Variants in BLVRA observed in about 807,000 individuals in gnomAD.
BLVRA encodes the protein BVR A.
In BLVRA, 22 loss-of-function variants were observed where a neutral mutation model predicts 32.8. The ratio of observed to expected loss-of-function variants is 0.67; its 90% confidence interval spans 0.48 to 0.96. The LOEUF (loss-of-function observed/expected upper bound fraction) is 0.96, where lower values mean the gene tolerates loss of function less well. Ranked by LOEUF, BLVRA falls within the 40% of genes least tolerant of loss-of-function variation. The probability of loss-of-function intolerance (pLI) is 0.00; values close to 1 mark genes in which losing one functional copy is unlikely to be tolerated. For missense variants in BLVRA, 323 were observed against 358.1 expected, an observed-to-expected ratio of 0.90 and a Z score of 0.79; for synonymous variants, 119 against 141.3, an observed-to-expected ratio of 0.84 and a Z score of 1.12.
intron 1 of BLVRA, among the ~76,000 whole-genome samples, chr7:43,769,217 A>T (rs1334141409): frequency 6.6e-6 from 1 of 152,034 alleles, no homozygotes; most frequent in Non-Finnish European, 1.5e-5. Context: ...TTAAGTAAAG[A>T]CAGGGTCTTG....
intron 5 of BLVRA, 157 bp from the exon 6 acceptor site, chr7:43,800,308 G>C: frequency 2.9e-6 from 2 of 691,062 alleles, no homozygotes; most frequent in Admixed American, 4.1e-5. Context: ...TCTTCAGCTG[G>C]GGTGGGTGAC....
At chr7:43,794,640 CA>C (rs2095789779) in intron 5 of BLVRA, among the ~76,000 whole-genome samples, 1 of 152,028 alleles carries the variant, frequency 6.6e-6, no homozygotes. Context: ...GAGGCTGAGG[CA>C]GCAGAATTGC....
chr7:43,803,915 C>T, intron 7 of BLVRA, 68 bp downstream of exon 7: 1 of 1,583,186 alleles, frequency 6.3e-7, no homozygotes, highest in Non-Finnish European at 8.6e-7. Flanking sequence ...AGGTATGATC[C>T]AAAGGGAGCC....
intron 2 of BLVRA, among the ~76,000 whole-genome samples, chr7:43,786,677 A>G (rs560892493): frequency 2.0e-5 from 3 of 152,350 alleles, no homozygotes; most frequent in African/African-American, 7.2e-5. Flanking sequence ...TCATTTAAAG[A>G]ATGTTCTCTG....
chr7:43,804,091 AATGCCAG>A (rs2132598045), intron 7 of BLVRA, among the ~76,000 whole-genome samples: 1 of 152,356 alleles, frequency 6.6e-6, no homozygotes, highest in African/African-American at 2.4e-5. Flanking sequence ...AGGCTTACAG[AATGCCAG>A]CAGGTTGCCT....
chr7:43,767,143 G>C lies in BLVRA; in HGVS notation c.-21-3995G>C, dbSNP rs10260060. 3.0e-3 allele frequency: 1,378 copies of C among 466,270 alleles called. 13 individuals are homozygous for C. The highest frequency in any genetic ancestry group is 0.025 in the African/African-American group (1,245 of 50,720). 28.9% of individuals were successfully genotyped at this position (466,270 alleles called of 1,614,324 possible). A position where few individuals can be genotyped will look rare whatever the true frequency, so the allele number is the denominator to read the frequency against. ...TCGTTTGTTTGTTTTCTTTTGTTTT[G>C]CTTTCCCCAGATTATGTAGGAAAAC... On this transcript the variant is annotated intron_variant, in intron 1 of 7. Transcript: ENST00000265523.
chr7:43,764,777 CA>C (rs201711396), intron 1 of BLVRA, among the ~76,000 whole-genome samples: 2 of 144,974 alleles, frequency 1.4e-5, no homozygotes, highest in Non-Finnish European at 3.0e-5. Flanking sequence ...CCACCCCCCG[CA>C]AAAAAAAGAA....
rs192157031 is a variant in BLVRA at position 43,792,666 on chromosome 7, G to C, written c.255-49G>C. ...TCTCTATTATGCAGAGCATTTCAGT[G>C]AAGCTTATTCGAAGTGTTCTTTCTC... On this transcript the variant is annotated intron_variant, in intron 4 of 7. Coordinates refer to ENST00000265523, the MANE Select transcript of BLVRA (RefSeq NM_000712.4). The C allele has an allele frequency of 6.1e-5, 93 of 1,517,710 alleles. No individual in the cohort carries two copies. The Admixed American group carries it at 1.5e-3, about 25-fold the overall frequency. The allele number at this position is 1,517,710 out of a possible 1,614,324, so 94.0% of individuals were successfully genotyped here. A position where few individuals can be genotyped will look rare whatever the true frequency, so the allele number is the denominator to read the frequency against.
chr7:43,783,780 A>G (rs1048103395), intron 2 of BLVRA, among the ~76,000 whole-genome samples: 2 of 152,170 alleles, frequency 1.3e-5, no homozygotes, highest in Non-Finnish European at 2.9e-5. Context: ...CTGTTTCCCC[A>G]GGCCAACCAA....
intron 1 of BLVRA, chr7:43,767,567 T>C: frequency 9.8e-7 from 1 of 1,015,646 alleles, no homozygotes; most frequent in Non-Finnish European, 1.5e-6. Context: ...GAATGAAGGC[T>C]CATGACAGTG....
chr7:43,772,295 C>T (rs1378503639), intron 2 of BLVRA, among the ~76,000 whole-genome samples: 1 of 152,216 alleles, frequency 6.6e-6, no homozygotes, highest in African/African-American at 2.4e-5. Flanking sequence ...TGTTCGCATT[C>T]CCTTTCATCA....
At chr7:43,774,669 TG>T (rs1170999003) in intron 2 of BLVRA, among the ~76,000 whole-genome samples, 3 of 152,384 alleles carry the variant, frequency 2.0e-5, no homozygotes, top group Non-Finnish European at 1.5e-5. Context: ...TTTCCAATTC[TG>T]TGAAGAAAGT....
intron 1 of BLVRA, among the ~76,000 whole-genome samples, chr7:43,762,762 C>A (rs2095743824): frequency 6.6e-6 from 1 of 151,900 alleles, no homozygotes; most frequent in Non-Finnish European, 1.5e-5. Flanking sequence ...CAGGTGCACG[C>A]CACCATACCC....
At chr7:43,791,228 T>C in intron 3 of BLVRA, 21 bp from the exon 4 acceptor site, 1 of 1,613,912 alleles carries the variant, frequency 6.2e-7, no homozygotes, top group South Asian at 1.1e-5. Context: ...TGAGTTCCAT[T>C]TCTCTGTTAC....
At chr7:43,767,150 C>T (rs1209516407) in intron 1 of BLVRA, 2 of 488,112 alleles carry the variant, frequency 4.1e-6, no homozygotes, top group East Asian at 3.5e-5. Context: ...TTTGCTTTCC[C>T]CAGATTATGT....
At chr7:43,769,898 T>C (rs2095752610) in intron 1 of BLVRA, among the ~76,000 whole-genome samples, 1 of 152,148 alleles carries the variant, frequency 6.6e-6, no homozygotes, top group Non-Finnish European at 1.5e-5. Flanking sequence ...CGTGAGCCAC[T>C]GCGCCCAGCT....
chr7:43,784,310 G>A (rs1326124949), intron 2 of BLVRA, among the ~76,000 whole-genome samples: 1 of 152,142 alleles, frequency 6.6e-6, no homozygotes, highest in Admixed American at 6.5e-5. Flanking sequence ...TCCACTGGGC[G>A]TTTCTCACTG....
intron 1 of BLVRA, among the ~76,000 whole-genome samples, chr7:43,769,798 G>A (rs1443233945): frequency 1.3e-5 from 2 of 152,012 alleles, no homozygotes; most frequent in Non-Finnish European, 2.9e-5. Flanking sequence ...TAGTAGAGAC[G>A]GGGTTTCGCC....
At chr7:43,776,994 G>A (rs1372750099) in intron 2 of BLVRA, among the ~76,000 whole-genome samples, 2 of 151,914 alleles carry the variant, frequency 1.3e-5, no homozygotes, top group African/African-American at 4.8e-5. Context: ...CCATTTGCTT[G>A]GTAGATCTTC....
Sources: gnomAD v4.1 joint callset for allele counts (sites outside exome capture counted in the v4.1 genomes callset) on GRCh38, gnomAD v4.1.1 for gene constraint, MANE v1.5 for transcripts, NCBI Gene and HGNC (gene_info 2026-07-23, HGNC 2026-07-21) for gene names.